Variants in UPF3A observed in about 807,000 individuals in gnomAD.
The protein encoded by UPF3A is UPF3A regulator of nonsense mediated mRNA decay.
In UPF3A, 42 loss-of-function variants were observed where a neutral mutation model predicts 53.5. The observed-to-expected ratio is 0.78, with a 90% CI of 0.61 to 1.01. UPF3A has a LOEUF of 1.01. Ranked by LOEUF, UPF3A falls within the 50% of genes least tolerant of loss-of-function variation. The pLI is 0.00. For missense variants in UPF3A, 575 were observed against 598.0 expected (o/e 0.96, Z 0.40); for synonymous variants, 237 against 225.3 (o/e 1.05, Z -0.47).
At chr13:114,296,444 G>T (rs567736374) in intron 7 of UPF3A, among the ~76,000 whole-genome samples, 2 of 152,118 alleles carry the variant, frequency 1.3e-5, no homozygotes, top group African/African-American at 4.8e-5. Flanking sequence ...TGCTGGGAGG[G>T]TTACTGCATG....
chr13:114,302,095 C>T (rs1404077246), intron 9 of UPF3A, 70 bp downstream of exon 9: 11 of 1,385,672 alleles, frequency 7.9e-6, no homozygotes, highest in Non-Finnish European at 1.0e-5. Flanking sequence ...CTGACCATGT[C>T]ACCCCCACTT....
intron 3 of UPF3A, chr13:114,285,537 A>G (rs1210337783): frequency 2.0e-5 from 3 of 151,466 alleles, no homozygotes; most frequent in South Asian, 2.1e-4. Flanking sequence ...TCACCTGACT[A>G]TTACTGACAA....
At position 114,301,866 on chromosome 13, in the gene UPF3A, G is replaced by A; in HGVS notation, c.1143G>A (p.Arg381=). Residue 381 remains arginine, a synonymous_variant, in exon 9 of 10, where the codon AGG becomes AGA. Transcript: ENST00000375299. ...ACGAGCCTGAACGGCTTTCCAGAAG[G>A]AGTGAGGATGAGCAGAGATGGGGGA... The part of the protein sequence containing the change: ...AHHEPERLSR[R]SEDEQRWGKG... 6.2e-7 allele frequency: 1 copy of A among 1,612,420 alleles called. No homozygotes were observed. Among genetic ancestry groups the A allele is most frequent in the Non-Finnish European group, 8.5e-7 (1 of 1,179,370 alleles).
chr13:114,291,997 G>A (rs2085318491), intron 7 of UPF3A, among the ~76,000 whole-genome samples: 1 of 151,948 alleles, frequency 6.6e-6, no homozygotes, highest in South Asian at 2.1e-4. Flanking sequence ...GAGTCCTCAG[G>A]CTGCTGTTGG....
intron 7 of UPF3A, among the ~76,000 whole-genome samples, chr13:114,297,221 CG>C (rs66532970): frequency 0.071 from 10,586 of 150,046 alleles, 477 homozygotes; most frequent in Middle Eastern, 0.13. Context: ...GTGGTGCTTC[CG>C]TTTTTTTTTT....
At chr13:114,284,173 G>T (rs1359754040) in intron 3 of UPF3A, 3 of 583,422 alleles carry the variant, frequency 5.1e-6, no homozygotes, top group Non-Finnish European at 6.5e-6. Context: ...ACCGGCCTGA[G>T]CAACAACGTG....
chr13:114,284,340 C>T (rs181407008), intron 3 of UPF3A, among the ~76,000 whole-genome samples: 4 of 148,868 alleles, frequency 2.7e-5, no homozygotes, highest in Admixed American at 6.7e-5. Flanking sequence ...CCAGCCGGGG[C>T]GACGGAGCAA....
intron 7 of UPF3A, among the ~76,000 whole-genome samples, chr13:114,296,741 T>C (rs1345827139): frequency 6.6e-6 from 1 of 152,094 alleles, no homozygotes; most frequent in Admixed American, 6.6e-5. Context: ...TGGGTTCTGG[T>C]GCTAACTCCA....
At chr13:114,302,400 C>T (rs916781656) in intron 9 of UPF3A, among the ~76,000 whole-genome samples, 1 of 152,158 alleles carries the variant, frequency 6.6e-6, no homozygotes, top group Non-Finnish European at 1.5e-5. Flanking sequence ...TCCCATGGCT[C>T]ACAAACACCT....
intron 4 of UPF3A, 43 bp downstream of exon 4, chr13:114,286,443 A>G: frequency 6.2e-7 from 1 of 1,613,230 alleles, no homozygotes; most frequent in South Asian, 1.1e-5. Flanking sequence ...TGCCAAATTA[A>G]GAACACTGAG....
rs1454845718 is a variant in UPF3A, at chr13:114,281,714, G to A, written c.75G>A (p.Lys25=). The change falls in exon 1 of 10, where the codon AAG becomes AAA. Residue 25 remains lysine, a synonymous_variant. Transcript: ENST00000375299. ...VAARGPSGRE[K]LSALEVQFHR... ...CGCGGGGCCCGAGCGGGAGGGAGAA[G>A]CTGTCGGCCCTAGAAGTGCAGTTCC... 2.6e-6 allele frequency: 4 copies of A among 1,551,406 alleles called. No homozygotes were observed. Among genetic ancestry groups the A allele is most frequent in the Non-Finnish European group, 3.5e-6 (4 of 1,148,370 alleles).
intron 2 of UPF3A, 166 bp from the exon 3 acceptor site, chr13:114,282,671 G>A (rs940809018): frequency 1.1e-5 from 11 of 985,282 alleles, no homozygotes; most frequent in Non-Finnish European, 1.2e-5. Context: ...AACGTTTTGC[G>A]TTTGTTTTTG....
chr13:114,285,634 A>G (rs2084609996), intron 3 of UPF3A: 1 of 152,300 alleles, frequency 6.6e-6, no homozygotes, highest in Non-Finnish European at 1.5e-5. Context: ...CTCTTAGTGA[A>G]CATTTCTCTT....
At chr13:114,294,862 T>C (rs887517156) in intron 7 of UPF3A, among the ~76,000 whole-genome samples, 37 of 135,260 alleles carry the variant, frequency 2.7e-4, no homozygotes, top group Middle Eastern at 6.0e-3. Flanking sequence ...CCTGTAATCC[T>C]GGCACTTTGG....
rs9525201 is a variant in UPF3A at position 114,288,364 on chromosome 13, G to A, written c.631+1735G>A. On this transcript the variant is annotated intron_variant, in intron 5 of 9. Transcript: ENST00000375299. ...GGAGACTCCCTCCAAGATAGTGGTG[G>A]AGCTGGAGCTGAGACTGGCTGCGGG... Among the ~76,000 whole-genome samples the A allele has an allele frequency of 4.2e-3, 642 of 152,332 alleles. 4 individuals carry two copies. Among genetic ancestry groups the A allele is most frequent in the Non-Finnish European group, 6.5e-3 (445 of 68,024 alleles).
chr13:114,304,798 G>A lies in UPF3A; in HGVS notation c.1312G>A (p.Ala438Thr), dbSNP rs1409355590. The change falls in exon 10 of 10, where the codon GCC becomes ACC. Residue 438 changes from alanine to threonine, a missense_variant. By Grantham distance (58) the Ala-to-Thr change is moderately conservative. This residue lies in a region of UPF3A where 323 missense variants were observed against 415.2 expected (regional missense o/e 0.78). Coordinates refer to ENST00000375299, the MANE Select transcript of UPF3A (RefSeq NM_023011.4). ...CCTCTTATCCTGGCAGGACCGGCCA[G>A]CCTTGCAGCTGTATGATCCAGGAGC... is the stretch of plus-strand genomic sequence containing the variant. ...KERLANKDRP[A>T]LQLYDPGARF... 3.1e-6 allele frequency: 5 copies of A among 1,613,760 alleles called. No individual in the cohort carries two copies. Among genetic ancestry groups the A allele is most frequent in the Non-Finnish European group, 4.2e-6 (5 of 1,179,750 alleles).
At chr13:114,303,503 C>T (rs1403039687) in intron 9 of UPF3A, among the ~76,000 whole-genome samples, 1 of 152,096 alleles carries the variant, frequency 6.6e-6, no homozygotes, top group Non-Finnish European at 1.5e-5. Flanking sequence ...GCAGAATTGT[C>T]GGCCCGGTGC....
rs983701943 is a variant in UPF3A at position 114,305,198 on chromosome 13, T to C, written c.*281T>C. 35 of 377,660 alleles carry C rather than the reference T, an allele frequency of 9.3e-5. No individual in the cohort carries two copies. The highest frequency in any genetic ancestry group is 7.0e-4 in the African/African-American group (33 of 47,406). 23.4% of individuals were successfully genotyped at this position (377,660 alleles called of 1,614,324 possible). A position where few individuals can be genotyped will look rare whatever the true frequency, so the allele number is the denominator to read the frequency against. On this transcript the variant is annotated 3_prime_UTR_variant, in exon 10 of 10. Transcript: ENST00000375299. ...ATTTCCACTGGACAGTAGAAAAATA[T>C]GTGTAAAATAGGGAAGAAAGTTAGT...
rs575548440 is a variant in UPF3A, at chr13:114,305,636, T to G, written c.*719T>G. On this transcript the variant is annotated 3_prime_UTR_variant, in exon 10 of 10. Coordinates refer to ENST00000375299, the MANE Select transcript of UPF3A (RefSeq NM_023011.4). Reference sequence around the variant, plus strand: ...TGTTCGGGAAGGGATAAACTAGATATAGCATACAGAGCCTGTTTTTGAGTT... The same window carrying G: ...TGTTCGGGAAGGGATAAACTAGATAGAGCATACAGAGCCTGTTTTTGAGTT... 6.5e-6 allele frequency: 1 copy of G among 152,692 alleles called. No individual in the cohort carries two copies. The highest frequency in any genetic ancestry group is 1.5e-5 in the Non-Finnish European group (1 of 68,224). The allele number at this position is 152,692 out of a possible 1,614,324, so 9.5% of individuals were successfully genotyped here.
Sources: gnomAD v4.1 joint callset for allele counts (sites outside exome capture counted in the v4.1 genomes callset) on GRCh38, gnomAD v4.1.1 for gene constraint, gnomAD v4.1.1 regional missense constraint, MANE v1.5 for transcripts, NCBI Gene and HGNC (gene_info 2026-07-23, HGNC 2026-07-21) for gene names.